Variants in ERP44 observed in about 807,000 individuals in gnomAD.
ERP44 encodes the protein endoplasmic reticulum protein 44.
In ERP44, 25 loss-of-function variants were observed where a neutral mutation model predicts 53.4. The observed-to-expected ratio is 0.47, with a 90% CI of 0.34 to 0.65. ERP44 has a LOEUF of 0.65. Among genes scored for constraint, ERP44 ranks in the 30% least tolerant of loss-of-function variants. ERP44 has a pLI of 0.01. For synonymous variants in ERP44, 145 were observed against 161.2 expected, an observed-to-expected ratio of 0.90 and a Z score of 0.76; for missense variants, 338 against 493.2, an observed-to-expected ratio of 0.69 and a Z score of 2.98.
At chr9:100,009,681 C>A (rs1830453427) in intron 8 of ERP44, among the ~76,000 whole-genome samples, 1 of 152,196 alleles carries the variant, frequency 6.6e-6, no homozygotes, top group Non-Finnish European at 1.5e-5. Context: ...GATCGCTTAT[C>A]TGTGTCTACA....
At chr9:100,012,148 T>C (rs1830482254) in intron 8 of ERP44, among the ~76,000 whole-genome samples, 1 of 152,160 alleles carries the variant, frequency 6.6e-6, no homozygotes, top group African/African-American at 2.4e-5. Context: ...AAAGAGACTT[T>C]CCAAGAAAAG....
intron 10 of ERP44, chr9:99,998,645 T>A: frequency 1.3e-6 from 1 of 767,296 alleles, no homozygotes; most frequent in Admixed American, 1.7e-5. Flanking sequence ...TCTCTCCACA[T>A]CCCTGTGCTC....
At chr9:100,058,229 CCACACCTGG>C (rs1826106437) in intron 2 of ERP44, among the ~76,000 whole-genome samples, 1 of 152,144 alleles carries the variant, frequency 6.6e-6, no homozygotes, top group African/African-American at 2.4e-5. Context: ...GCAAACACCA[CCACACCTGG>C]CTAATTTTTG....
Position 100,098,859 on chromosome 9 carries a change from G to T in ERP44, c.-19C>A. On this transcript the variant is annotated 5_prime_UTR_variant, in exon 1 of 12. Coordinates refer to ENST00000262455, the MANE Select transcript of ERP44 (RefSeq NM_015051.3). Reference sequence around the variant, plus strand: ...GATGCATGGTAACGCTGGGGTCCGTGACAGGGACAGGCGCTGGCGGCTGGG... The same window carrying T: ...GATGCATGGTAACGCTGGGGTCCGTTACAGGGACAGGCGCTGGCGGCTGGG... The T allele has an allele frequency of 6.2e-7, 1 of 1,611,002 alleles. No homozygotes were observed. Among genetic ancestry groups the T allele is most frequent in the South Asian group, 1.1e-5 (1 of 90,812 alleles).
intron 5 of ERP44, among the ~76,000 whole-genome samples, chr9:100,021,712 C>A (rs980727875): frequency 4.6e-5 from 7 of 152,156 alleles, no homozygotes; most frequent in African/African-American, 1.4e-4. Flanking sequence ...AGAGCAGACA[C>A]CCTGAAGCTC....
At chr9:100,049,784 A>G (rs1229994832) in intron 4 of ERP44, among the ~76,000 whole-genome samples, 1 of 152,156 alleles carries the variant, frequency 6.6e-6, no homozygotes, top group Non-Finnish European at 1.5e-5. Flanking sequence ...AAAAATGAAA[A>G]CATATGTATA....
intron 10 of ERP44, among the ~76,000 whole-genome samples, chr9:100,001,620 T>C (rs1830378747): frequency 6.6e-6 from 1 of 152,214 alleles, no homozygotes. Flanking sequence ...TTAAATGTTA[T>C]ATAATTATAG....
intron 1 of ERP44, among the ~76,000 whole-genome samples, chr9:100,081,195 T>C (rs905944332): frequency 2.6e-5 from 4 of 152,052 alleles, no homozygotes; most frequent in African/African-American, 4.8e-5. Flanking sequence ...CTATAAAAGA[T>C]AGTAATTCCA....
At chr9:100,043,258 CAAAAAAAAAAAAAAA>C (rs56066117) in intron 4 of ERP44, among the ~76,000 whole-genome samples, 5 of 20,270 alleles carry the variant, frequency 2.5e-4, no homozygotes, top group South Asian at 4.9e-3. Context: ...GACTCTGTCT[CAAAAAAAAAAAAAAA>C]AAAAAAAAAA....
intron 3 of ERP44, among the ~76,000 whole-genome samples, chr9:100,053,240 C>T (rs1469846563): frequency 1.3e-5 from 2 of 152,110 alleles, no homozygotes; most frequent in Non-Finnish European, 2.9e-5. Flanking sequence ...TATCTGTAAA[C>T]ATACTAAATA....
In ERP44 at chr9:100,098,787, G is replaced by A. The variant is rs1376749754; in HGVS notation, c.54C>T (p.Leu18=). ...GGTCTGTCATTCCCTCACTCACCAG[G>A]AGCAGAAGGGAGCATCTGAGGTCGG... The part of the protein sequence containing the change: ...SLPDLRCSLL[L]LVTWVFTPVT... The change falls in exon 1 of 12, where the codon CTC becomes CTT. Residue 18 remains leucine, a synonymous_variant. Transcript: ENST00000262455. 4 of 1,613,650 alleles carry A rather than the reference G, an allele frequency of 2.5e-6. No homozygotes were observed. The highest frequency in any genetic ancestry group is 3.4e-6 in the Non-Finnish European group (4 of 1,179,616).
intron 1 of ERP44, among the ~76,000 whole-genome samples, chr9:100,060,616 G>C (rs143673811): frequency 7.9e-5 from 12 of 152,228 alleles, no homozygotes; most frequent in East Asian, 5.8e-4. Context: ...AAAGACTTTT[G>C]CAAGTTGTAA....
At position 99,981,187 on chromosome 9, in the gene ERP44, T is replaced by A. The variant is rs1427602953; in HGVS notation, c.*1425A>T. On this transcript the variant is annotated 3_prime_UTR_variant, in exon 12 of 12. Coordinates refer to ENST00000262455, the MANE Select transcript of ERP44 (RefSeq NM_015051.3). The stretch of plus-strand genomic sequence containing the variant: ...CTTTCTTATTCACAATTTGATACAA[T>A]ACATTAAATATACCCCTTATCACCT... 6.6e-6 allele frequency: 1 copy of A among 152,240 alleles called. No homozygotes were observed. The highest frequency in any genetic ancestry group is 6.5e-5 in the Admixed American group (1 of 15,284). The allele number at this position is 152,240 out of a possible 1,614,324, so 9.4% of individuals were successfully genotyped here. A position where few individuals can be genotyped will look rare whatever the true frequency, so the allele number is the denominator to read the frequency against.
At chr9:100,074,130 C>G (rs1327535844) in intron 1 of ERP44, among the ~76,000 whole-genome samples, 2 of 152,162 alleles carry the variant, frequency 1.3e-5, no homozygotes, top group African/African-American at 4.8e-5. Flanking sequence ...CATTACAAAG[C>G]TAAGACTTTT....
chr9:100,016,463 T>A (rs1347320895), intron 7 of ERP44, 25 bp from the exon 8 acceptor site: 19 of 1,563,022 alleles, frequency 1.2e-5, no homozygotes, highest in South Asian at 3.6e-5. Context: ...AAAAAAAAAA[T>A]TAAATCTAAC....
chr9:99,995,059 T>C (rs2118613363), intron 10 of ERP44, among the ~76,000 whole-genome samples: 1 of 152,308 alleles, frequency 6.6e-6, no homozygotes, highest in African/African-American at 2.4e-5. Context: ...CTGCACATGT[T>C]TTGTTTGATT....
At chr9:99,994,632 C>G (rs1830291228) in intron 10 of ERP44, among the ~76,000 whole-genome samples, 1 of 151,992 alleles carries the variant, frequency 6.6e-6, no homozygotes, top group South Asian at 2.1e-4. Context: ...GCACATGTAC[C>G]CTAGAACTTA....
chr9:99,980,125 A>C lies in ERP44; in HGVS notation c.*2487T>G, dbSNP rs1411995592. 7.5e-6 allele frequency: 3 copies of C among 398,314 alleles called. No individual in the cohort carries two copies. The highest frequency in any genetic ancestry group is 4.4e-5 in the Admixed American group (1 of 22,718). 24.7% of individuals were successfully genotyped at this position (398,314 alleles called of 1,614,324 possible). ...TCATCTTTTTAAAGCTCAAAATAAA[A>C]ATAATGTCCTCAAATCTCTGCAATT... On this transcript the variant is annotated 3_prime_UTR_variant, in exon 12 of 12. Coordinates refer to ENST00000262455, the MANE Select transcript of ERP44 (RefSeq NM_015051.3).
chr9:100,023,131 A>G (rs988246216), intron 4 of ERP44, among the ~76,000 whole-genome samples: 2 of 152,182 alleles, frequency 1.3e-5, no homozygotes, highest in African/African-American at 2.4e-5. Flanking sequence ...AAGCAGATGC[A>G]TAATAGATAC....
Sources: gnomAD v4.1 joint callset for allele counts (sites outside exome capture counted in the v4.1 genomes callset) on GRCh38, gnomAD v4.1.1 for gene constraint, MANE v1.5 for transcripts, NCBI Gene and HGNC (gene_info 2026-07-23, HGNC 2026-07-21) for gene names.